CC2D1B: variants seen among roughly 807,000 people sequenced by gnomAD.
CC2D1B encodes the protein coiled-coil and C2 domain containing 1B.
CC2D1B carries 92 observed loss-of-function variants against 110.8 expected under a neutral mutation model. The ratio of observed to expected loss-of-function variants is 0.83; its 90% CI spans 0.70 to 0.99. The LOEUF (loss-of-function observed/expected upper bound fraction) is 0.99, where lower values mean the gene tolerates loss of function less well. CC2D1B is among the 50% of genes least tolerant of loss of function. The pLI, the probability that CC2D1B is intolerant of heterozygous loss-of-function variation, is 0.00. For missense variants in CC2D1B, 1,136 were observed against 1,089.0 expected, an observed-to-expected ratio of 1.04 and a Z score of -0.61; for synonymous variants, 406 against 429.2, an observed-to-expected ratio of 0.95 and a Z score of 0.67.
Position 52,354,877 on chromosome 1 carries a change from G to A in CC2D1B, c.2302C>T (p.Gln768Ter), listed in dbSNP as rs745850477. ...RNHRGFKRVIQSKGIKFEIFH... is the reference protein window; with the variant it reads ...RNHRGFKRVI ...ATCTCAAACTTGATGCCTTTGCTCT[G>A]GATCACCCTCTTGAAGCCCCGGTGG... Residue 768 changes from glutamine (Q) to a stop codon, truncating the protein, a stop_gained, in exon 22 of 25, where the codon CAG becomes TAG. Coordinates refer to ENST00000284376, the MANE Select transcript of CC2D1B (RefSeq NM_001330585.2). LOFTEE classifies it high-confidence loss of function. 2.7e-5 allele frequency: 44 copies of A among 1,614,094 alleles called. No individual in the cohort carries two copies. The highest frequency in any genetic ancestry group is 4.2e-6 in the Non-Finnish European group (5 of 1,180,056).
intron 9 of CC2D1B, 35 bp downstream of exon 9, chr1:52,359,424 C>G (rs1243232587): frequency 1.9e-6 from 3 of 1,613,500 alleles, no homozygotes; most frequent in Non-Finnish European, 2.5e-6. Flanking sequence ...TACTCCTCCC[C>G]AACCCCACCG....
chr1:52,357,494 GA>G (rs753814331), intron 15 of CC2D1B, 31 bp downstream of exon 15: 41 of 1,547,444 alleles, frequency 2.6e-5, no homozygotes, highest in Non-Finnish European at 3.6e-5. Flanking sequence ...CTCCGCCTGA[GA>G]AGTCCTGGTG....
rs752164785 is a variant in CC2D1B at position 52,356,237 on chromosome 1, C to G, written c.2003G>C (p.Gly668Ala). ...LEILQLAQAQGLDPPTHHFEL... is the reference protein window; with the variant it reads ...LEILQLAQAQALDPPTHHFEL... ...AAAGTGGTGGGTGGGAGGGTCGAGG[C>G]CCTGAGCCTGGGCCAGCTGCAGGAT... The change falls in exon 18 of 25, where the codon GGC (glycine) becomes GCC (alanine). Residue 668 changes from glycine (G) to alanine (A), a missense_variant. By Grantham distance (60) the Gly-to-Ala change is moderately conservative. Coordinates refer to ENST00000284376, the MANE Select transcript of CC2D1B (RefSeq NM_001330585.2). 2.5e-6 allele frequency: 4 copies of G among 1,614,160 alleles called. No individual in the cohort carries two copies. The Admixed American group carries it at 5.0e-5, about 20-fold the overall frequency.
Position 52,359,432 on chromosome 1 carries a change from C to T in CC2D1B, c.1018+27G>A, listed in dbSNP as rs369142523. 297 of 1,613,836 alleles carry T rather than the reference C, an allele frequency of 1.8e-4. 3 individuals carry two copies. In the South Asian group the frequency reaches 3.1e-3, roughly 17 times the overall value. On this transcript the variant is annotated intron_variant, in intron 9 of 24. Transcript: ENST00000284376. ...GGCCTGCTACTCCTCCCCAACCCCA[C>T]CGCAGCCTGAGAAGATACATACTGA... is the stretch of plus-strand genomic sequence containing the variant.
chr1:52,355,508 G>A, intron 20 of CC2D1B, 59 bp from the exon 21 acceptor site: 1 of 1,608,810 alleles, frequency 6.2e-7, no homozygotes, highest in Non-Finnish European at 8.5e-7. Context: ...ACACAGGGCA[G>A]GCACTGCAGC....
At chr1:52,356,543 C>T (rs1351878957) in intron 16 of CC2D1B, 101 bp from the exon 17 acceptor site, 1 of 1,228,454 alleles carries the variant, frequency 8.1e-7, no homozygotes, top group South Asian at 1.2e-5. Flanking sequence ...TCCTCTGTAG[C>T]CTCACCTCTC....
rs1402410009 is a variant in CC2D1B at position 52,353,501 on chromosome 1, C to T, written c.*1+17G>A. 2 of 1,602,170 alleles carry T rather than the reference C, an allele frequency of 1.2e-6. No homozygotes were observed. Among genetic ancestry groups the T allele is most frequent in the East Asian group, 2.2e-5 (1 of 44,792 alleles). On this transcript the variant is annotated intron_variant, in intron 24 of 24. Transcript: ENST00000284376. ...AAGGAGGGGGCAAAGGTTCTGAAGG[C>T]CCAGAGAGCTGCCCACCTCACAAGC... is the stretch of plus-strand genomic sequence containing the variant.
intron 15 of CC2D1B, 135 bp downstream of exon 15, chr1:52,357,391 G>T (rs1646677045): frequency 1.9e-6 from 2 of 1,030,964 alleles, no homozygotes; most frequent in Non-Finnish European, 2.8e-6. Context: ...TGAGCAAAAG[G>T]CTCTTTCCCA....
chr1:52,363,373 C>T (rs1321381179), intron 2 of CC2D1B, among the ~76,000 whole-genome samples: 4 of 141,866 alleles, frequency 2.8e-5, no homozygotes, highest in African/African-American at 7.9e-5. Flanking sequence ...CCAGCCTGGG[C>T]GACACAGCGA....
chr1:52,360,488 GC>G lies in CC2D1B; in HGVS notation c.538del (p.Ala180LeufsTer21). ...GCCTGCCTCCTTGGCACTGGCCGCA[GC>G]CTCTCGGTAGTTGTGAATCCGTTCC... ...LEERIHNYRE[A>X]AASAKEAGEA... On this transcript the variant is annotated frameshift_variant, in exon 6 of 25. Transcript: ENST00000284376. LOFTEE classifies it high-confidence loss of function. 1 of 1,614,116 alleles carries G rather than the reference GC, an allele frequency of 6.2e-7. No individual in the cohort carries two copies. The highest frequency in any genetic ancestry group is 1.7e-5 in the Admixed American group (1 of 60,030).
rs1365934091 is a variant in CC2D1B at position 52,360,500 on chromosome 1, T to C, written c.527A>G (p.Asn176Ser). 10 of 1,614,000 alleles carry C rather than the reference T, an allele frequency of 6.2e-6. No individual in the cohort carries two copies. The highest frequency in any genetic ancestry group is 4.5e-5 in the East Asian group (2 of 44,900). ...LHALLEERIH[N>S]YREAAASAKE... Reference sequence around the variant, plus strand: ...GGCACTGGCCGCAGCCTCTCGGTAGTTGTGAATCCGTTCCTCCAGCAAAGC... The same window carrying C: ...GGCACTGGCCGCAGCCTCTCGGTAGCTGTGAATCCGTTCCTCCAGCAAAGC... Residue 176 changes from asparagine (N) to serine (S), a missense_variant, in exon 6 of 25, where the codon AAC becomes AGC. Transcript: ENST00000284376.
intron 4 of CC2D1B, 165 bp downstream of exon 4, chr1:52,361,348 A>T (rs1413288980): frequency 8.4e-6 from 11 of 1,310,570 alleles, no homozygotes; most frequent in Non-Finnish European, 9.5e-6. Context: ...CAGAGCTTAG[A>T]CCAGAAGTCA....
rs1399935051 is a variant in CC2D1B at position 52,352,569 on chromosome 1, AAC to A, written c.*654_*655del. The A allele has an allele frequency of 4.6e-5, 7 of 152,676 alleles. No homozygotes were observed. Among genetic ancestry groups the A allele is most frequent in the South Asian group, 2.1e-4 (1 of 4,818 alleles). 9.5% of individuals were successfully genotyped at this position (152,676 alleles called of 1,614,324 possible). A position where few individuals can be genotyped will look rare whatever the true frequency, so the allele number is the denominator to read the frequency against. On this transcript the variant is annotated 3_prime_UTR_variant, in exon 25 of 25. Transcript: ENST00000284376. ...TATATATATATTTTTTCTTCCAGTT[AAC>A]AGTCTTTTCTCTTGGGTGGGTAGAC...
In CC2D1B at chr1:52,353,552, C is replaced by G; in HGVS notation, c.2526G>C (p.Glu842Asp). The change falls in exon 24 of 25, where the codon GAG becomes GAC. Residue 842 changes from glutamate to aspartate, a missense_variant. Coordinates refer to ENST00000284376, the MANE Select transcript of CC2D1B (RefSeq NM_001330585.2). The stretch of plus-strand genomic sequence containing the variant: ...CCCTGGGCTCCAGAACCAGCCAGTT[C>G]TCAGTGACCATCTGCACATCCTGGC... Reference protein sequence around the residue: ...LSGQDVQMVTENWLVLEPRGL With the variant: ...LSGQDVQMVTDNWLVLEPRGL 1 of 1,614,074 alleles carries G rather than the reference C, an allele frequency of 6.2e-7. No homozygotes were observed. The highest frequency in any genetic ancestry group is 1.1e-5 in the South Asian group (1 of 91,082).
At chr1:52,353,286 G>A in intron 24 of CC2D1B, 63 bp from the exon 25 acceptor site, 1 of 1,464,334 alleles carries the variant, frequency 6.8e-7, no homozygotes, top group South Asian at 1.3e-5. Flanking sequence ...AAAGATTTTA[G>A]AAAGGGTTTC....
In CC2D1B at chr1:52,356,904, A is replaced by G. The variant is rs1646664652; in HGVS notation, c.1878+97T>C. 2.2e-6 allele frequency: 3 copies of G among 1,379,952 alleles called. No homozygotes were observed. In the South Asian group the frequency reaches 4.5e-5, roughly 21 times the overall value. 85.5% of individuals were successfully genotyped at this position (1,379,952 alleles called of 1,614,324 possible). ...ACAGTGAGTAAGTGGAAGAGCTGAG[A>G]ATTTTGAGTCCAGGGCTGTGTGGTC... On this transcript the variant is annotated intron_variant, in intron 16 of 24. Coordinates refer to ENST00000284376, the MANE Select transcript of CC2D1B (RefSeq NM_001330585.2).
intron 23 of CC2D1B, 185 bp downstream of exon 23, chr1:52,354,423 T>C: frequency 1.4e-6 from 1 of 711,208 alleles, no homozygotes; most frequent in Non-Finnish European, 2.6e-6. Context: ...GGTCCCTCTG[T>C]GAGATTTCTC....
chr1:52,358,429 T>A lies in CC2D1B; in HGVS notation c.1363A>T (p.Met455Leu). ...FPPIPGLESTMGVEEDAVAAT... is the reference protein window; with the variant it reads ...FPPIPGLESTLGVEEDAVAAT... ...GCCACTGCGTCCTCCTCAACACCCA[T>A]AGTGGACTCCAGGCCAGGGATGGGG... The change falls in exon 13 of 25, where the codon ATG becomes TTG. Residue 455 changes from methionine to leucine, a missense_variant. By Grantham distance (15) the Met-to-Leu change is conservative. Transcript: ENST00000284376. 1 of 1,613,770 alleles carries A rather than the reference T, an allele frequency of 6.2e-7. No individual in the cohort carries two copies. Among genetic ancestry groups the A allele is most frequent in the Non-Finnish European group, 8.5e-7 (1 of 1,179,944 alleles).
At position 52,364,589 on chromosome 1, in the gene CC2D1B, G is replaced by C. The variant is rs756087798; in HGVS notation, c.32C>G (p.Pro11Arg). Residue 11 changes from proline to arginine, a missense_variant, in exon 2 of 25, where the codon CCT becomes CGT. Coordinates refer to ENST00000284376, the MANE Select transcript of CC2D1B (RefSeq NM_001330585.2). MMPGPRPRKG[P>R]QARGQGVAAA... ...GGCCACCCCTTGGCCTCTGGCCTGA[G>C]GGCCCTTCCGAGGTCTTGGCCCTGG... is the stretch of plus-strand genomic sequence containing the variant. The C allele has an allele frequency of 1.2e-6, 2 of 1,607,856 alleles. No individual in the cohort carries two copies. Among genetic ancestry groups the C allele is most frequent in the Admixed American group, 3.3e-5 (2 of 59,870 alleles).
Sources: allele counts gnomAD v4.1 joint callset (sites outside exome capture counted in the v4.1 genomes callset), GRCh38; gene constraint gnomAD v4.1.1; transcripts MANE v1.5; gene names NCBI Gene and HGNC (gene_info 2026-07-23, HGNC 2026-07-21).